Variants in MBD4 observed in about 807,000 individuals in gnomAD.
The protein encoded by MBD4 is methyl-CpG-binding domain protein 4.
MBD4 carries 53 observed loss-of-function variants against 60.2 expected under a neutral mutation model. That is an observed-to-expected ratio of 0.88 (90% CI 0.71 to 1.11). The LOEUF (loss-of-function observed/expected upper bound fraction) is 1.11. Among genes scored for constraint, MBD4 ranks in the 50% least tolerant of loss-of-function variants. MBD4 has a pLI of 0.00. For missense variants in MBD4, 619 were observed against 674.0 expected (o/e 0.92, Z 0.90); for synonymous variants, 231 against 229.8 (o/e 1.01, Z -0.05).
At chr3:129,439,028 A>T (rs926326944) in intron 1 of MBD4, among the ~76,000 whole-genome samples, 1 of 152,194 alleles carries the variant, frequency 6.6e-6, no homozygotes, top group Non-Finnish European at 1.5e-5. Flanking sequence ...AATTTCAGTA[A>T]AGTGTATCCT....
chr3:129,431,547 T>A lies in MBD4; in HGVS notation c.1679A>T (p.Tyr560Phe). 6.2e-7 allele frequency: 1 copy of A among 1,613,368 alleles called. No individual in the cohort carries two copies. Among genetic ancestry groups the A allele is most frequent in the Non-Finnish European group, 8.5e-7 (1 of 1,179,902 alleles). ...VHPEDHKLNK[Y>F]HDWLWENHEK... ...ATGATTTTCCCAAAGCCAGTCATGA[T>A]ATTTATTTAATTTGTGGTCTTCAGG... The change falls in exon 8 of 8, where the codon TAT (tyrosine) becomes TTT (phenylalanine). Residue 560 changes from tyrosine to phenylalanine, a missense_variant. Coordinates refer to ENST00000429544, the MANE Select transcript of MBD4 (RefSeq NM_001276270.2).
chr3:129,437,518 G>A (rs191617128), intron 2 of MBD4, among the ~76,000 whole-genome samples: 7 of 152,222 alleles, frequency 4.6e-5, no homozygotes, highest in East Asian at 1.9e-4. Context: ...CAACCTACCC[G>A]TTAACCATTC....
intron 6 of MBD4, 138 bp from the exon 7 acceptor site, chr3:129,432,744 C>T: frequency 1.2e-6 from 1 of 831,664 alleles, no homozygotes; most frequent in South Asian, 1.4e-5. Context: ...GTTGTGATTA[C>T]TCTTCCTTCT....
At position 129,439,644 on chromosome 3, in the gene MBD4, G is replaced by A. The variant is rs965650766; in HGVS notation, c.104+86C>T. The A allele has an allele frequency of 1.0e-5, 9 of 903,754 alleles. No individual in the cohort carries two copies. The East Asian group carries it at 2.4e-4, about 24-fold the overall frequency. 56.0% of individuals were successfully genotyped at this position (903,754 alleles called of 1,614,324 possible). The stretch of plus-strand genomic sequence containing the variant: ...AGGTTTCTGCCGACCCTCTGTCAAA[G>A]GTTAGAAAGGCCCACACACTGTCCA... On this transcript the variant is annotated intron_variant, in intron 1 of 7. Coordinates refer to ENST00000429544, the MANE Select transcript of MBD4 (RefSeq NM_001276270.2).
Position 129,436,478 on chromosome 3 carries a change from G to C in MBD4, c.1166C>G (p.Thr389Ser). 2 of 1,614,046 alleles carry C rather than the reference G, an allele frequency of 1.2e-6. No homozygotes were observed. The highest frequency in any genetic ancestry group is 1.7e-6 in the Non-Finnish European group (2 of 1,179,984). ...GSEMDNNCSP[T>S]RKDFTEDTIP... Reference sequence around the variant, plus strand: ...TTTCTCACCAGTGAAGTCTTTCCTGGTTGGTGAGCAGTTGTTGTCCATTTC... The same window carrying C: ...TTTCTCACCAGTGAAGTCTTTCCTGCTTGGTGAGCAGTTGTTGTCCATTTC... Residue 389 changes from threonine (T) to serine (S), a missense_variant, in exon 3 of 8, where the codon ACC becomes AGC. Coordinates refer to ENST00000429544, the MANE Select transcript of MBD4 (RefSeq NM_001276270.2).
chr3:129,432,249 G>A, intron 7 of MBD4: 1 of 1,442,826 alleles, frequency 6.9e-7, no homozygotes. Flanking sequence ...GGAATGACAG[G>A]AACAGGGCCA....
At chr3:129,439,654 G>C (rs2072681648) in intron 1 of MBD4, 76 bp downstream of exon 1, 2 of 940,992 alleles carry the variant, frequency 2.1e-6, no homozygotes, top group African/African-American at 1.6e-5. Context: ...GGTTAGAAAG[G>C]CCCACACACT....
At chr3:129,432,655 C>G (rs372879558) in intron 6 of MBD4, 49 bp from the exon 7 acceptor site, 18 of 1,568,134 alleles carry the variant, frequency 1.1e-5, no homozygotes, top group Non-Finnish European at 1.4e-5. Context: ...TAAAGACACC[C>G]TCCCAAAATG....
Position 129,433,220 on chromosome 3 carries a change from TTC to T in MBD4, c.1419_1420del (p.Trp473Ter). 6.2e-7 allele frequency: 1 copy of T among 1,614,220 alleles called. No individual in the cohort carries two copies. Among genetic ancestry groups the T allele is most frequent in the Non-Finnish European group, 8.5e-7 (1 of 1,180,030 alleles). ...AGCTGAAGGATACTTCTCCAGAAAC[TTC>T]CAAAGCACAGGTATTGCCATTTTGC... On this transcript the variant is annotated stop_gained and frameshift_variant, in exon 6 of 8. Coordinates refer to ENST00000429544, the MANE Select transcript of MBD4 (RefSeq NM_001276270.2). LOFTEE classifies it high-confidence loss of function.
intron 3 of MBD4, among the ~76,000 whole-genome samples, chr3:129,435,471 A>C (rs776951403): frequency 3.3e-5 from 5 of 152,226 alleles, no homozygotes; most frequent in Non-Finnish European, 5.9e-5. Flanking sequence ...GCTAGCAATA[A>C]ATCTACATAA....
At chr3:129,434,802 G>T (rs1325556400) in intron 3 of MBD4, among the ~76,000 whole-genome samples, 1 of 151,992 alleles carries the variant, frequency 6.6e-6, no homozygotes, top group African/African-American at 2.4e-5. Context: ...CCAAAAAAAG[G>T]GATACAGACA....
chr3:129,433,997 A>G lies in MBD4; in HGVS notation c.1259-13T>C, dbSNP rs377548810. The G allele has an allele frequency of 3.7e-6, 6 of 1,614,150 alleles. No individual in the cohort carries two copies. The highest frequency in any genetic ancestry group is 5.1e-6 in the Non-Finnish European group (6 of 1,180,008). On this transcript the variant is annotated splice_polypyrimidine_tract_variant and intron_variant, in intron 4 of 7. Transcript: ENST00000429544. Reference sequence around the variant, plus strand: ...GGGGGGCTAAGAGCTAAACAAACATAGTGCATCAGAATTGAAAACCCAAAA... The same window carrying G: ...GGGGGGCTAAGAGCTAAACAAACATGGTGCATCAGAATTGAAAACCCAAAA...
rs199828331 is a variant in MBD4 at position 129,436,964 on chromosome 3, T to C, written c.680A>G (p.Lys227Arg). Residue 227 changes from lysine (K) to arginine (R), a missense_variant, in exon 3 of 8, where the codon AAG (lysine) becomes AGG (arginine). Lys to Arg is a conservative substitution (Grantham distance 26, BLOSUM62 2). Coordinates refer to ENST00000429544, the MANE Select transcript of MBD4 (RefSeq NM_001276270.2). ...DEGVDDVNFR[K>R]VRKPKGKVTI... ...CACCTTTCCTTTGGGCTTTCTAACC[T>C]TTCTGAAGTTAACATCATCAACACC... 1.1e-5 allele frequency: 17 copies of C among 1,614,222 alleles called. No homozygotes were observed. In the East Asian group the frequency reaches 3.8e-4, roughly 36 times the overall value.
intron 7 of MBD4, chr3:129,432,225 T>C: frequency 2.1e-6 from 3 of 1,428,876 alleles, no homozygotes; most frequent in Non-Finnish European, 1.8e-6. Flanking sequence ...GGCTTAGAGA[T>C]AGCACACAAA....
chr3:129,437,926 C>A lies in MBD4; in HGVS notation c.129G>T (p.Leu43Phe), dbSNP rs896226137. Residue 43 changes from leucine to phenylalanine, a missense_variant, in exon 2 of 8, where the codon TTG becomes TTT. Leu to Phe is a conservative substitution (Grantham distance 22, BLOSUM62 0). Coordinates refer to ENST00000429544, the MANE Select transcript of MBD4 (RefSeq NM_001276270.2). ...GTTCCTCATCTTCTCCCACTCTTTCCAATTCCATAGCAACATCTTCTTTGC... is the reference window on the plus strand; with the variant it reads ...GTTCCTCATCTTCTCCCACTCTTTCAAATTCCATAGCAACATCTTCTTTGC... Reference protein sequence around the residue: ...DLRKEDVAMELERVGEDEEQM... With the variant: ...DLRKEDVAMEFERVGEDEEQM... The A allele has an allele frequency of 6.2e-7, 1 of 1,612,088 alleles. No individual in the cohort carries two copies. The highest frequency in any genetic ancestry group is 1.3e-5 in the African/African-American group (1 of 75,008).
chr3:129,436,470 C>CT lies in MBD4; in HGVS notation c.1173dup (p.Asp392ArgfsTer4). 1.2e-6 allele frequency: 2 copies of CT among 1,614,054 alleles called. No homozygotes were observed. The highest frequency in any genetic ancestry group is 2.7e-5 in the African/African-American group (2 of 75,056). On this transcript the variant is annotated frameshift_variant, in exon 3 of 8. Coordinates refer to ENST00000429544, the MANE Select transcript of MBD4 (RefSeq NM_001276270.2). LOFTEE classifies it high-confidence loss of function. ...TGAAATATTTTCTCACCAGTGAAGT[C>CT]TTTCCTGGTTGGTGAGCAGTTGTTG...
intron 7 of MBD4, 137 bp downstream of exon 7, chr3:129,432,366 G>A (rs1367106222): frequency 2.9e-5 from 45 of 1,557,046 alleles, no homozygotes; most frequent in East Asian, 2.6e-4. Flanking sequence ...CATGCCACCC[G>A]CTTCCCCGCA....
Position 129,431,537 on chromosome 3 carries a change from C to G in MBD4, c.1689G>C (p.Trp563Cys), listed in dbSNP as rs1276922953. Reference protein sequence around the residue: ...EDHKLNKYHDWLWENHEKLSL... With the variant: ...EDHKLNKYHDCLWENHEKLSL... ...TTAATTTTTCATGATTTTCCCAAAG[C>G]CAGTCATGATATTTATTTAATTTGT... Residue 563 changes from tryptophan to cysteine, a missense_variant, in exon 8 of 8, where the codon TGG (tryptophan) becomes TGC (cysteine). Trp to Cys is a radical substitution (Grantham distance 215, BLOSUM62 -2). Transcript: ENST00000429544. 5.0e-6 allele frequency: 8 copies of G among 1,613,272 alleles called. No homozygotes were observed. Among genetic ancestry groups the G allele is most frequent in the Non-Finnish European group, 6.8e-6 (8 of 1,179,912 alleles).
rs762369607 is a variant in MBD4, at chr3:129,434,051, GA to G, written c.1258+10del. 3.1e-6 allele frequency: 5 copies of G among 1,614,104 alleles called. No individual in the cohort carries two copies. Among genetic ancestry groups the G allele is most frequent in the Non-Finnish European group, 3.4e-6 (4 of 1,179,966 alleles). ...AATTAGAATTTGCTGTTCTGATTGGGAAAGGGATACCTTCTTTGTTATATTT... is the reference window on the plus strand; with the variant it reads ...AATTAGAATTTGCTGTTCTGATTGGGAAGGGATACCTTCTTTGTTATATTT... On this transcript the variant is annotated intron_variant, in intron 4 of 7. Coordinates refer to ENST00000429544, the MANE Select transcript of MBD4 (RefSeq NM_001276270.2).
Sources: gnomAD v4.1 joint callset for allele counts (sites outside exome capture counted in the v4.1 genomes callset) on GRCh38, gnomAD v4.1.1 for gene constraint, MANE v1.5 for transcripts, NCBI Gene and HGNC (gene_info 2026-07-23, HGNC 2026-07-21) for gene names.